Variants in PLA2R1 observed in about 807,000 individuals in gnomAD.
The protein encoded by PLA2R1 is secretory phospholipase A2 receptor.
PLA2R1 carries 158 observed loss-of-function variants against 195.9 expected under a neutral mutation model. That is an observed-to-expected ratio of 0.81 (90% CI 0.71 to 0.92). The LOEUF is 0.92. Ranked by LOEUF, PLA2R1 falls within the 40% of genes least tolerant of loss-of-function variation. The pLI, the probability that PLA2R1 is intolerant of heterozygous loss-of-function variation, is 0.00. For synonymous variants in PLA2R1, 586 were observed against 598.2 expected (o/e 0.98, Z 0.30); for missense variants, 1,626 against 1,764.6 (o/e 0.92, Z 1.41).
In PLA2R1 at chr2:160,044,798, C is replaced by T; in HGVS notation, c.469G>A (p.Asp157Asn). The T allele has an allele frequency of 1.2e-6, 2 of 1,613,108 alleles. No individual in the cohort carries two copies. The highest frequency in any genetic ancestry group is 1.7e-6 in the Non-Finnish European group (2 of 1,179,126). The change falls in exon 2 of 30, where the codon GAC becomes AAC. Residue 157 changes from aspartate (D) to asparagine (N), a missense_variant. By Grantham distance (23) the Asp-to-Asn change is conservative. Coordinates refer to ENST00000283243, the MANE Select transcript of PLA2R1 (RefSeq NM_007366.5). ...CCTTTGTGTAGATATTCACAAATGT[C>T]TCCACCACCTGACCCATAAGAAATC... ...KWISYGSGGG[D>N]ICEYLHKDLH...
chr2:160,047,455 C>T (rs988288756), intron 1 of PLA2R1, among the ~76,000 whole-genome samples: 3 of 152,194 alleles, frequency 2.0e-5, no homozygotes, highest in Non-Finnish European at 4.4e-5. Flanking sequence ...AAAGGCTTCT[C>T]TTCTTACACT....
chr2:159,961,101 C>T (rs560394001), intron 20 of PLA2R1, among the ~76,000 whole-genome samples: 11 of 152,246 alleles, frequency 7.2e-5, no homozygotes, highest in African/African-American at 2.4e-4. Context: ...ACAGATGAGG[C>T]AATCTCAAAA....
rs1694148920 is a variant in PLA2R1 at position 160,036,104 on chromosome 2, T to G, written c.668-2972A>C. Among the ~76,000 whole-genome samples, 3 of 152,284 alleles carry G rather than the reference T, an allele frequency of 2.0e-5. No individual in the cohort carries two copies. In the South Asian group the frequency reaches 6.2e-4, roughly 32 times the overall value. ...GGCCCTGAGCCCCCTTCCTTTCTAT[T>G]CTATACATTCTTTCTACACATGGCT... On this transcript the variant is annotated intron_variant, in intron 3 of 29. Coordinates refer to ENST00000283243, the MANE Select transcript of PLA2R1 (RefSeq NM_007366.5).
rs1686733192 is a variant in PLA2R1 at position 159,934,621 on chromosome 2, A to G, written c.*7157T>C. 1 of 152,240 alleles carries G rather than the reference A, an allele frequency of 6.6e-6. No homozygotes were observed. The highest frequency in any genetic ancestry group is 2.1e-4 in the South Asian group (1 of 4,836). The allele number at this position is 152,240 out of a possible 1,614,324, so 9.4% of individuals were successfully genotyped here. ...ATATTATAAATAACAACATGTAAAA[A>G]TAAAAGTGCCTTATCACCCTTTTAA... is the stretch of plus-strand genomic sequence containing the variant. On this transcript the variant is annotated 3_prime_UTR_variant, in exon 30 of 30. Transcript: ENST00000283243.
At chr2:159,948,864 G>C (rs566497915) in intron 25 of PLA2R1, among the ~76,000 whole-genome samples, 1 of 152,216 alleles carries the variant, frequency 6.6e-6, no homozygotes, top group Non-Finnish European at 1.5e-5. Flanking sequence ...AGGCCAGCTT[G>C]TGTTAGTGAA....
rs566557016 is a variant in PLA2R1 at position 159,949,573 on chromosome 2, A to G, written c.3709+35T>C. On this transcript the variant is annotated intron_variant, in intron 25 of 29. Coordinates refer to ENST00000283243, the MANE Select transcript of PLA2R1 (RefSeq NM_007366.5). ...GTGTCTTGCATACAGTAGTTAAATA[A>G]GGTATATTTTTGAGTTGAATAGAAT... 3 of 1,504,612 alleles carry G rather than the reference A, an allele frequency of 2.0e-6. No homozygotes were observed. The African/African-American group carries it at 4.1e-5, about 21-fold the overall frequency. The allele number at this position is 1,504,612 out of a possible 1,614,324, so 93.2% of individuals were successfully genotyped here. A position where few individuals can be genotyped will look rare whatever the true frequency, so the allele number is the denominator to read the frequency against.
chr2:160,032,390 T>C (rs1388891310), intron 4 of PLA2R1, among the ~76,000 whole-genome samples: 1 of 152,190 alleles, frequency 6.6e-6, no homozygotes, highest in Non-Finnish European at 1.5e-5. Context: ...AAAGAAGAAG[T>C]AAGAGGAGAG....
At chr2:159,948,266 A>C (rs1459167579) in intron 25 of PLA2R1, among the ~76,000 whole-genome samples, 1 of 152,108 alleles carries the variant, frequency 6.6e-6, no homozygotes, top group African/African-American at 2.4e-5. Flanking sequence ...ACAAAGTCTC[A>C]CTCTGTCACC....
At chr2:159,997,463 G>A (rs1039087848) in intron 11 of PLA2R1, among the ~76,000 whole-genome samples, 1 of 152,074 alleles carries the variant, frequency 6.6e-6, no homozygotes, top group Admixed American at 6.6e-5. Flanking sequence ...GTTAAGAACA[G>A]AATGCTTTGC....
At chr2:160,050,774 G>C (rs998493453) in intron 1 of PLA2R1, among the ~76,000 whole-genome samples, 1 of 152,166 alleles carries the variant, frequency 6.6e-6, no homozygotes, top group Non-Finnish European at 1.5e-5. Flanking sequence ...TTTGACATAG[G>C]AGATATAAGC....
chr2:160,001,830 A>G (rs1691616689), intron 11 of PLA2R1, among the ~76,000 whole-genome samples: 1 of 151,854 alleles, frequency 6.6e-6, no homozygotes, highest in African/African-American at 2.4e-5. Flanking sequence ...AATTCGACAG[A>G]ACTACAGGGA....
At chr2:160,056,970 G>T (rs552101166) in intron 1 of PLA2R1, among the ~76,000 whole-genome samples, 1 of 152,222 alleles carries the variant, frequency 6.6e-6, no homozygotes, top group Admixed American at 6.5e-5. Context: ...TACTCTGGTG[G>T]TCTATACCAT....
At chr2:159,963,038 A>G (rs995852645) in intron 20 of PLA2R1, among the ~76,000 whole-genome samples, 1 of 152,148 alleles carries the variant, frequency 6.6e-6, no homozygotes, top group Non-Finnish European at 1.5e-5. Flanking sequence ...ATATAAAAAA[A>G]TCCTCTTTTA....
intron 14 of PLA2R1, 89 bp from the exon 15 acceptor site, chr2:159,977,505 T>A: frequency 9.4e-7 from 1 of 1,069,078 alleles, no homozygotes; most frequent in Non-Finnish European, 1.4e-6. Context: ...ACATAAGCAT[T>A]ATAGGCTACT....
intron 11 of PLA2R1, among the ~76,000 whole-genome samples, chr2:160,004,448 T>C (rs530501609): frequency 2.6e-5 from 4 of 152,146 alleles, no homozygotes; most frequent in Admixed American, 6.5e-5. Context: ...GTGGCCACTT[T>C]TATATTTTAG....
rs1166113623 is a variant in PLA2R1 at position 159,941,951 on chromosome 2, G to C, written c.4219C>G (p.Leu1407Val). ...GTGCAAATGGCCACAATGACTATCA[G>C]TGTCAGTACAACCGCAAGAGGAATG... ...SIIPLAVVLT[L>V]IVIVAICTLS... Residue 1407 changes from leucine (L) to valine (V), a missense_variant, in exon 30 of 30, where the codon CTG becomes GTG. Coordinates refer to ENST00000283243, the MANE Select transcript of PLA2R1 (RefSeq NM_007366.5). The C allele has an allele frequency of 6.2e-7, 1 of 1,613,742 alleles. No homozygotes were observed. The highest frequency in any genetic ancestry group is 1.3e-5 in the African/African-American group (1 of 74,912).
At chr2:159,960,352 G>T (rs1308355054) in intron 20 of PLA2R1, among the ~76,000 whole-genome samples, 1 of 152,070 alleles carries the variant, frequency 6.6e-6, no homozygotes, top group Non-Finnish European at 1.5e-5. Context: ...ACTAATGTTT[G>T]TTCTCCCTCT....
chr2:159,999,344 G>T (rs189643324), intron 11 of PLA2R1, among the ~76,000 whole-genome samples: 1 of 22,900 alleles, frequency 4.4e-5, no homozygotes, highest in Admixed American at 6.1e-4. Flanking sequence ...TGCACATTAC[G>T]TAATTTTTTT....
rs1459709114 is a variant in PLA2R1 at position 159,999,566 on chromosome 2, G to A, written c.1834+6086C>T. ...TTTTTAGTAGAGACGGGGTTTCACCGTTCTAGCCGGGATGGTCTCGATCTC... is the reference window on the plus strand; with the variant it reads ...TTTTTAGTAGAGACGGGGTTTCACCATTCTAGCCGGGATGGTCTCGATCTC... On this transcript the variant is annotated intron_variant, in intron 11 of 29. Coordinates refer to ENST00000283243, the MANE Select transcript of PLA2R1 (RefSeq NM_007366.5). 2.9e-4 allele frequency among the ~76,000 whole-genome samples: 2 copies of A among 6,830 alleles called. 1 individual carries two copies. The highest frequency in any genetic ancestry group is 5.6e-4 in the Non-Finnish European group (2 of 3,554). 4.5% of individuals were successfully genotyped at this position (6,830 alleles called of 152,430 possible).
Sources: allele counts gnomAD v4.1 joint callset (sites outside exome capture counted in the v4.1 genomes callset), GRCh38; gene constraint gnomAD v4.1.1; transcripts MANE v1.5; gene names NCBI Gene and HGNC (gene_info 2026-07-23, HGNC 2026-07-21).